KCNJ6: variants seen among roughly 807,000 people sequenced by gnomAD.
KCNJ6 encodes the protein potassium inwardly rectifying channel subfamily J member 6.
KCNJ6 carries 9 observed loss-of-function variants against 34.2 expected under a neutral mutation model. That is an observed-to-expected ratio of 0.26 (90% CI 0.16 to 0.46). The LOEUF is 0.46. Ranked by LOEUF, KCNJ6 falls within the 20% of genes least tolerant of loss-of-function variation. KCNJ6 has a pLI of 1.00. For synonymous variants in KCNJ6, 196 were observed against 207.1 expected (o/e 0.95, Z 0.46); for missense variants, 236 against 531.3 (o/e 0.44, Z 5.46).
rs140302669 is a variant in KCNJ6 at position 37,814,759 on chromosome 21, G to A, written c.25+25899C>T. ...TAAAAATATAAAAAATTAGCCAGGC[G>A]TGGTGGCGGGCGCCTGTAGTCCCAG... On this transcript the variant is annotated intron_variant, in intron 2 of 3. Coordinates refer to ENST00000609713, the MANE Select transcript of KCNJ6 (RefSeq NM_002240.5). 8.4e-3 allele frequency among the ~76,000 whole-genome samples: 1,283 copies of A among 152,074 alleles called. 12 individuals carry two copies. The highest frequency in any genetic ancestry group is 0.024 in the African/African-American group (993 of 41,474).
intron 2 of KCNJ6, among the ~76,000 whole-genome samples, chr21:37,776,468 G>T (rs2055142623): frequency 7.8e-6 from 1 of 127,646 alleles, no homozygotes; most frequent in Non-Finnish European, 1.8e-5. Context: ...CATTAAGTAT[G>T]ATATTGGCTG....
intron 3 of KCNJ6, among the ~76,000 whole-genome samples, chr21:37,646,470 G>T (rs942699145): frequency 1.3e-5 from 2 of 152,060 alleles, no homozygotes; most frequent in African/African-American, 4.8e-5. Flanking sequence ...TTTTAAAGAC[G>T]AGCGGGAGCT....
intron 2 of KCNJ6, among the ~76,000 whole-genome samples, chr21:37,774,605 C>T (rs35421830): frequency 0.61 from 92,426 of 150,404 alleles, 28,726 homozygotes; most frequent in African/African-American, 0.7. Context: ...GCAATGTTTG[C>T]TTTTTGTCCT....
intron 1 of KCNJ6, among the ~76,000 whole-genome samples, chr21:37,864,495 C>T (rs200322460): frequency 9.9e-5 from 15 of 152,128 alleles, no homozygotes; most frequent in Admixed American, 2.6e-4. Context: ...TTTAATACAC[C>T]GCAAAAACAA....
chr21:37,773,457 C>A (rs2055127375), intron 2 of KCNJ6, among the ~76,000 whole-genome samples: 1 of 152,124 alleles, frequency 6.6e-6, no homozygotes, highest in South Asian at 2.1e-4. Context: ...GAGTAGGGAG[C>A]AGAGGGAAGG....
intron 2 of KCNJ6, among the ~76,000 whole-genome samples, chr21:37,777,126 T>G (rs2055146305): frequency 6.6e-6 from 1 of 152,196 alleles, no homozygotes; most frequent in Admixed American, 6.5e-5. Flanking sequence ...ATTTTCTAGT[T>G]TATTTGCGTA....
At chr21:37,897,473 C>A (rs1007291602) in intron 1 of KCNJ6, among the ~76,000 whole-genome samples, 5 of 152,246 alleles carry the variant, frequency 3.3e-5, no homozygotes, top group Admixed American at 2.0e-4. Flanking sequence ...GCAAAGTTGT[C>A]TGTTCCACTG....
intron 2 of KCNJ6, among the ~76,000 whole-genome samples, chr21:37,820,836 G>A (rs1240511142): frequency 2.0e-5 from 3 of 152,214 alleles, no homozygotes; most frequent in Admixed American, 2.0e-4. Flanking sequence ...TGAGGTATAT[G>A]TTGGCAGCCC....
intron 2 of KCNJ6, among the ~76,000 whole-genome samples, chr21:37,726,587 CATGTTTGTGA>C (rs1569452854): frequency 6.6e-6 from 1 of 152,022 alleles, no homozygotes; most frequent in Non-Finnish European, 1.5e-5. Context: ...GTAATGTGTG[CATGTTTGTGA>C]ATGTGTGTGT....
chr21:37,813,488 A>T (rs2055332450), intron 2 of KCNJ6, among the ~76,000 whole-genome samples: 1 of 152,232 alleles, frequency 6.6e-6, no homozygotes, highest in South Asian at 2.1e-4. Context: ...GAATCACATT[A>T]CTTGACTTCA....
chr21:37,640,985 G>A (rs754525630), intron 3 of KCNJ6, among the ~76,000 whole-genome samples: 12 of 152,206 alleles, frequency 7.9e-5, no homozygotes, highest in African/African-American at 2.2e-4. Flanking sequence ...GGTTAAGTGC[G>A]TGCATGCATG....
intron 3 of KCNJ6, among the ~76,000 whole-genome samples, chr21:37,665,629 T>C (rs754066039): frequency 6.6e-6 from 1 of 152,184 alleles, no homozygotes; most frequent in Non-Finnish European, 1.5e-5. Flanking sequence ...TGCCAACCTT[T>C]CCTTCCTCTC....
intron 2 of KCNJ6, among the ~76,000 whole-genome samples, chr21:37,762,986 G>C (rs552581376): frequency 6.6e-6 from 1 of 152,310 alleles, no homozygotes; most frequent in South Asian, 2.1e-4. Flanking sequence ...GATGCTACTG[G>C]AGTGAACACA....
At chr21:37,857,174 A>G (rs1046590408) in intron 1 of KCNJ6, among the ~76,000 whole-genome samples, 11 of 152,230 alleles carry the variant, frequency 7.2e-5, no homozygotes, top group Admixed American at 3.9e-4. Context: ...GGAAATCTTC[A>G]CTTTTGATGC....
chr21:37,888,361 C>T (rs1250841636), intron 1 of KCNJ6, among the ~76,000 whole-genome samples: 1 of 152,180 alleles, frequency 6.6e-6, no homozygotes, highest in Non-Finnish European at 1.5e-5. Context: ...AAGAACACTA[C>T]AAGAACAGAT....
At position 37,611,319 on chromosome 21, in the gene KCNJ6, A is replaced by G. The variant is rs2054241967; in HGVS notation, c.*13840T>C. ...GAGCAAATAGACAATCTGAATAGGT[A>G]TATCTCTGTTAAATAATTTGAATCA... is the stretch of plus-strand genomic sequence containing the variant. On this transcript the variant is annotated 3_prime_UTR_variant, in exon 4 of 4. Transcript: ENST00000609713. 6.6e-6 allele frequency: 1 copy of G among 152,248 alleles called. No individual in the cohort carries two copies. Among genetic ancestry groups the G allele is most frequent in the African/African-American group, 2.4e-5 (1 of 41,474 alleles). The allele number at this position is 152,248 out of a possible 1,614,324, so 9.4% of individuals were successfully genotyped here.
intron 2 of KCNJ6, among the ~76,000 whole-genome samples, chr21:37,829,686 C>A (rs1380713647): frequency 6.6e-6 from 1 of 152,202 alleles, no homozygotes; most frequent in Non-Finnish European, 1.5e-5. Context: ...CCCATGATTA[C>A]TTTCTGTAAG....
chr21:37,797,788 G>C (rs2055250635), intron 2 of KCNJ6, among the ~76,000 whole-genome samples: 1 of 152,202 alleles, frequency 6.6e-6, no homozygotes, highest in Non-Finnish European at 1.5e-5. Context: ...TTTGCACCTG[G>C]TTGAGGCAGG....
At position 37,783,900 on chromosome 21, in the gene KCNJ6, C is replaced by T. The variant is rs116283688; in HGVS notation, c.25+56758G>A. ...TCTGTGCACATGCACCGAAGAAAGA[C>T]CATGAAAAGACACAGCAGGAGGTGG... is the stretch of plus-strand genomic sequence containing the variant. On this transcript the variant is annotated intron_variant, in intron 2 of 3. Coordinates refer to ENST00000609713, the MANE Select transcript of KCNJ6 (RefSeq NM_002240.5). Among the ~76,000 whole-genome samples, 481 of 152,268 alleles carry T rather than the reference C, an allele frequency of 3.2e-3. 2 individuals are homozygous for T. Among genetic ancestry groups the T allele is most frequent in the African/African-American group, 0.011 (470 of 41,560 alleles).
Sources: gnomAD v4.1 joint callset for allele counts (sites outside exome capture counted in the v4.1 genomes callset) on GRCh38, gnomAD v4.1.1 for gene constraint, MANE v1.5 for transcripts, NCBI Gene and HGNC (gene_info 2026-07-23, HGNC 2026-07-21) for gene names.